The following GHR variants were observed in gnomAD, a reference collection of about 807,000 sequenced individuals.
The protein encoded by GHR is growth hormone receptor.
Under a neutral mutation model 67.1 loss-of-function variants are expected in GHR, and 35 were observed. That is an observed-to-expected ratio of 0.52 (90% CI 0.40 to 0.69). GHR has a LOEUF of 0.69. Ranked by LOEUF, GHR falls within the 30% of genes least tolerant of loss-of-function variation. GHR has a pLI of 0.00. For missense variants in GHR, 792 were observed against 764.6 expected (o/e 1.04, Z -0.42); for synonymous variants, 272 against 269.1 (o/e 1.01, Z -0.10).
intron 5 of GHR, among the ~76,000 whole-genome samples, chr5:42,697,687 C>A (rs1483116101): frequency 6.6e-6 from 1 of 152,152 alleles, no homozygotes; most frequent in Admixed American, 6.5e-5. Flanking sequence ...ACAGTCAAAT[C>A]TACCCAACCA....
Position 42,640,766 on chromosome 5 carries a change from A to ATGTGTG in GHR, c.136+11675_136+11680dup, listed in dbSNP as rs10628675. On this transcript the variant is annotated intron_variant, in intron 3 of 9. Coordinates refer to ENST00000230882, the MANE Select transcript of GHR (RefSeq NM_000163.5). ...CCTAACATCTTATTCCATATCATAT[A>ATGTGTG]TGTGTGTGTGTGTGTGTATCTTTTA... Among the ~76,000 whole-genome samples the ATGTGTG allele has an allele frequency of 6.3e-3, 958 of 151,224 alleles. 8 individuals carry two copies. The highest frequency in any genetic ancestry group is 0.022 in the African/African-American group (893 of 41,202).
chr5:42,700,990 CA>C (rs747094905), intron 6 of GHR, among the ~76,000 whole-genome samples: 16 of 152,084 alleles, frequency 1.1e-4, no homozygotes, highest in Non-Finnish European at 2.2e-4. Flanking sequence ...ATCCAAGCTA[CA>C]ATCAAACATT....
intron 2 of GHR, chr5:42,619,675 G>A (rs937133486): frequency 6.6e-6 from 1 of 152,108 alleles, no homozygotes; most frequent in African/African-American, 2.4e-5. Flanking sequence ...ACTTCCAAGA[G>A]AACGAAATTT....
At chr5:42,648,576 C>T (rs770666712) in intron 3 of GHR, among the ~76,000 whole-genome samples, 1 of 152,232 alleles carries the variant, frequency 6.6e-6, no homozygotes, top group African/African-American at 2.4e-5. Flanking sequence ...AAAACAGAAA[C>T]CCCTCCCCTT....
intron 1 of GHR, among the ~76,000 whole-genome samples, chr5:42,556,137 C>T (rs1749296351): frequency 6.6e-6 from 1 of 152,128 alleles, no homozygotes; most frequent in African/African-American, 2.4e-5. Context: ...GGGGTTTCCT[C>T]CAATTTTTGC....
intron 2 of GHR, among the ~76,000 whole-genome samples, chr5:42,587,986 T>A (rs1751573714): frequency 6.6e-6 from 1 of 152,200 alleles, no homozygotes; most frequent in Non-Finnish European, 1.5e-5. Context: ...TTGTCTTTTC[T>A]CCTGGCCAGA....
At chr5:42,585,036 G>A (rs965921860) in intron 2 of GHR, among the ~76,000 whole-genome samples, 1 of 152,184 alleles carries the variant, frequency 6.6e-6, no homozygotes, top group Admixed American at 6.5e-5. Flanking sequence ...ATGAACGTCA[G>A]TTGTGCCTCA....
At chr5:42,477,580 T>C (rs1383164055) in intron 1 of GHR, among the ~76,000 whole-genome samples, 1 of 152,204 alleles carries the variant, frequency 6.6e-6, no homozygotes, top group Non-Finnish European at 1.5e-5. Flanking sequence ...CCATTCCAAC[T>C]GGTGTGAGAT....
rs940737415 is a variant in GHR at position 42,718,319 on chromosome 5, ATT to A, written c.946-132_946-131del. ...TATGTATTTAAAAAGTTACACACTA[ATT>A]TATGTTTTTTTATATGTTTTGTTAC... On this transcript the variant is annotated intron_variant, in intron 9 of 9. Coordinates refer to ENST00000230882, the MANE Select transcript of GHR (RefSeq NM_000163.5). The A allele has an allele frequency of 2.4e-4, 183 of 748,338 alleles. No individual in the cohort carries two copies. In the African/African-American group the frequency reaches 3.5e-3, roughly 14 times the overall value. 46.4% of individuals were successfully genotyped at this position (748,338 alleles called of 1,614,324 possible). A position where few individuals can be genotyped will look rare whatever the true frequency, so the allele number is the denominator to read the frequency against.
At chr5:42,665,441 T>C (rs1755908071) in intron 3 of GHR, among the ~76,000 whole-genome samples, 1 of 152,094 alleles carries the variant, frequency 6.6e-6, no homozygotes, top group Non-Finnish European at 1.5e-5. Context: ...TTCATGTCCT[T>C]TGTAGGGACA....
rs145428904 is a variant in GHR at position 42,719,193 on chromosome 5, A to G, written c.1686A>G (p.Gln562=). ...CACACATACAGCCAAGCTTAAACCA[A>G]GAGGACATTTACATCACCACAGAAA... ...VESHIQPSLN[Q]EDIYITTESL... Residue 562 remains glutamine (Q), a synonymous_variant, in exon 10 of 10, where the codon CAA becomes CAG. Coordinates refer to ENST00000230882, the MANE Select transcript of GHR (RefSeq NM_000163.5). 5.0e-6 allele frequency: 8 copies of G among 1,614,062 alleles called. No individual in the cohort carries two copies. The highest frequency in any genetic ancestry group is 6.8e-6 in the Non-Finnish European group (8 of 1,180,042).
chr5:42,443,521 A>G (rs1160378138), intron 1 of GHR, among the ~76,000 whole-genome samples: 1 of 152,216 alleles, frequency 6.6e-6, no homozygotes. Flanking sequence ...AGATGATCAC[A>G]GGATGATTCA....
chr5:42,524,045 T>A (rs10941577), intron 1 of GHR, among the ~76,000 whole-genome samples: 75,504 of 152,018 alleles, frequency 0.5, 19,650 homozygotes, highest in African/African-American at 0.63. Flanking sequence ...CGTCTTTATC[T>A]GCAGCATGAA....
At chr5:42,590,906 T>C (rs1386302759) in intron 2 of GHR, among the ~76,000 whole-genome samples, 1 of 152,206 alleles carries the variant, frequency 6.6e-6, no homozygotes, top group Non-Finnish European at 1.5e-5. Flanking sequence ...GGGACTACAG[T>C]TGATTTTCCT....
At chr5:42,477,572 A>G (rs1445762909) in intron 1 of GHR, among the ~76,000 whole-genome samples, 1 of 152,206 alleles carries the variant, frequency 6.6e-6, no homozygotes, top group African/African-American at 2.4e-5. Flanking sequence ...AATGATCGCC[A>G]TTCCAACTGG....
intron 1 of GHR, chr5:42,565,646 A>T (rs775348305): frequency 3.0e-5 from 30 of 985,098 alleles, no homozygotes; most frequent in Non-Finnish European, 3.6e-5. Context: ...ATTTCCTGAG[A>T]CTAGCACTCA....
chr5:42,439,703 G>A (rs1288641547), intron 1 of GHR, among the ~76,000 whole-genome samples: 1 of 152,180 alleles, frequency 6.6e-6, no homozygotes, highest in Non-Finnish European at 1.5e-5. Context: ...TTGTTGACTT[G>A]TCTTTTAAAA....
intron 1 of GHR, among the ~76,000 whole-genome samples, chr5:42,474,782 T>G (rs150091559): frequency 4.6e-5 from 7 of 152,156 alleles, no homozygotes; most frequent in African/African-American, 1.7e-4. Flanking sequence ...ACCTGTATTT[T>G]TAGGAACATA....
At chr5:42,629,173 C>A in intron 3 of GHR, 70 bp downstream of exon 3, 1 of 840,660 alleles carries the variant, frequency 1.2e-6, no homozygotes, top group East Asian at 2.5e-5. Flanking sequence ...AGCTACTATC[C>A]TTTCTCTATT....
Sources: gnomAD v4.1 joint callset for allele counts (sites outside exome capture counted in the v4.1 genomes callset) on GRCh38, gnomAD v4.1.1 for gene constraint, MANE v1.5 for transcripts, NCBI Gene and HGNC (gene_info 2026-07-23, HGNC 2026-07-21) for gene names.